The following PRKAR1A variants were observed in gnomAD, a reference collection of about 807,000 sequenced individuals.
PRKAR1A encodes the protein cAMP-dependent protein kinase type I-alpha regulatory subunit.
A neutral mutation model predicts 52.0 loss-of-function variants in PRKAR1A; 3 were observed. That is an observed-to-expected ratio of 0.06 (90% CI 0.03 to 0.15). The LOEUF (loss-of-function observed/expected upper bound fraction) is 0.15, where lower values mean the gene tolerates loss of function less well. Among genes scored for constraint, PRKAR1A ranks in the 10% least tolerant of loss-of-function variants. The probability of loss-of-function intolerance (pLI) is 1.00; values close to 1 mark genes in which losing one functional copy is unlikely to be tolerated. For missense variants in PRKAR1A, 240 were observed against 477.4 expected (o/e 0.50, Z 4.63); for synonymous variants, 188 against 168.4 (o/e 1.12, Z -0.90).
the PRKAR1A span, among the ~76,000 whole-genome samples, chr17:68,471,760 G>GT: frequency 6.6e-6 from 1 of 152,130 alleles, no homozygotes; most frequent in Non-Finnish European, 1.5e-5. Context: ...CACTTGTGGG[G>GT]TTATTCAGAG....
chr17:68,523,039 T>A, intron 3 of PRKAR1A, 113 bp downstream of exon 3: 1 of 1,289,646 alleles, frequency 7.8e-7, no homozygotes, highest in East Asian at 2.5e-5. Context: ...ACTTCATCCA[T>A]CCTGTACAAT....
At chr17:68,501,645 G>C in the PRKAR1A span, among the ~76,000 whole-genome samples, 1 of 152,158 alleles carries the variant, frequency 6.6e-6, no homozygotes, top group Middle Eastern at 3.4e-3. Context: ...TTTGTAGAGA[G>C]GGACATCTCA....
chr17:68,521,790 G>T (rs1332262156), intron 2 of PRKAR1A, among the ~76,000 whole-genome samples: 1 of 152,144 alleles, frequency 6.6e-6, no homozygotes, highest in African/African-American at 2.4e-5. Flanking sequence ...TAATATATGG[G>T]CACTTACAAA....
At chr17:68,417,697 C>G in the PRKAR1A span, among the ~76,000 whole-genome samples, 1 of 141,716 alleles carries the variant, frequency 7.1e-6, no homozygotes, top group African/African-American at 2.6e-5. Flanking sequence ...TGCCCTGTGA[C>G]TTCACTTCTC....
chr17:68,524,288 G>T (rs933645427), intron 5 of PRKAR1A, among the ~76,000 whole-genome samples: 2 of 151,886 alleles, frequency 1.3e-5, no homozygotes, highest in Non-Finnish European at 2.9e-5. Flanking sequence ...TTTTGATACA[G>T]TTTTGTTTAT....
intron 11 of PRKAR1A, among the ~76,000 whole-genome samples, chr17:68,539,579 G>A (rs185204688): frequency 2.8e-4 from 42 of 152,346 alleles, no homozygotes; most frequent in African/African-American, 9.9e-4. Flanking sequence ...AGAGATGTTA[G>A]AGCTAAGCAA....
the PRKAR1A span, among the ~76,000 whole-genome samples, chr17:68,435,942 C>T: frequency 1.3e-5 from 2 of 152,256 alleles, no homozygotes; most frequent in African/African-American, 4.8e-5. Flanking sequence ...GGGAAGGTGG[C>T]CACGAACGGA....
intron 2 of PRKAR1A, among the ~76,000 whole-genome samples, chr17:68,518,753 G>A (rs1165486916): frequency 6.6e-6 from 1 of 152,234 alleles, no homozygotes; most frequent in Non-Finnish European, 1.5e-5. Flanking sequence ...AATTTCTGCG[G>A]CAGGCTTGAA....
chr17:68,459,943 C>G, the PRKAR1A span, among the ~76,000 whole-genome samples: 13 of 151,800 alleles, frequency 8.6e-5, no homozygotes, highest in African/African-American at 3.1e-4. Flanking sequence ...GCCTCAGCCT[C>G]CCAAGCAGCT....
chr17:68,471,644 G>T, the PRKAR1A span, among the ~76,000 whole-genome samples: 2 of 152,136 alleles, frequency 1.3e-5, no homozygotes, highest in Non-Finnish European at 2.9e-5. Flanking sequence ...GGGAGAGGGG[G>T]GAGGTCTTCG....
chr17:68,539,420 T>G, intron 11 of PRKAR1A: 1 of 1,612,006 alleles, frequency 6.2e-7, no homozygotes, highest in Non-Finnish European at 8.5e-7. Flanking sequence ...CAGGCTTTTA[T>G]GGGTGGCCGG....
At chr17:68,425,362 C>T in the PRKAR1A span, among the ~76,000 whole-genome samples, 2 of 149,890 alleles carry the variant, frequency 1.3e-5, no homozygotes, top group Non-Finnish European at 3.0e-5. Context: ...TGACACCACA[C>T]CCGGCTAATT....
At chr17:68,525,715 T>C in intron 6 of PRKAR1A, 39 bp from the exon 7 acceptor site, 1 of 1,604,376 alleles carries the variant, frequency 6.2e-7, no homozygotes, top group South Asian at 1.1e-5. Context: ...AGTGTTTGTA[T>C]CTAGAAAATA....
At chr17:68,429,740 C>A in the PRKAR1A span, among the ~76,000 whole-genome samples, 1 of 152,148 alleles carries the variant, frequency 6.6e-6, no homozygotes, top group South Asian at 2.1e-4. Context: ...AGGCACGCAC[C>A]ACCATACCCG....
At chr17:68,486,539 T>TCCC in the PRKAR1A span, among the ~76,000 whole-genome samples, 1 of 140,020 alleles carries the variant, frequency 7.1e-6, no homozygotes, top group African/African-American at 2.7e-5. Flanking sequence ...CTTTCTTTCT[T>TCCC]TCTTTCTTTC....
chr17:68,523,505 C>CTTT (rs2085683007), intron 3 of PRKAR1A, among the ~76,000 whole-genome samples: 2 of 152,308 alleles, frequency 1.3e-5, no homozygotes, highest in African/African-American at 4.8e-5. Flanking sequence ...AAGTACCAGA[C>CTTT]TTTATATTTA....
chr17:68,462,034 T>C, the PRKAR1A span, among the ~76,000 whole-genome samples: 1 of 152,184 alleles, frequency 6.6e-6, no homozygotes, highest in Non-Finnish European at 1.5e-5. Flanking sequence ...GGAACCATTA[T>C]TTCTGGATTT....
At chr17:68,434,430 A>G in the PRKAR1A span, 5 of 867,856 alleles carry the variant, frequency 5.8e-6, no homozygotes, top group African/African-American at 6.8e-5. Context: ...CTGGGAGAGT[A>G]GTTACACTTC....
chr17:68,481,031 G>A, the PRKAR1A span, among the ~76,000 whole-genome samples: 2 of 152,216 alleles, frequency 1.3e-5, no homozygotes, highest in East Asian at 1.9e-4. Flanking sequence ...CGGTCTAACA[G>A]TCAGGTGTCT....
Sources: allele counts gnomAD v4.1 joint callset (sites outside exome capture counted in the v4.1 genomes callset), GRCh38; gene constraint gnomAD v4.1.1; transcripts MANE v1.5; gene names NCBI Gene and HGNC (gene_info 2026-07-23, HGNC 2026-07-21).